Variants in CSMD1 observed in about 807,000 individuals in gnomAD.
CSMD1 encodes CUB and Sushi multiple domains 1, also known as CUB and sushi domain-containing protein 1.
Under a neutral mutation model 417.5 loss-of-function variants are expected in CSMD1, and 213 were observed. That is an observed-to-expected ratio of 0.51 (90% confidence interval 0.46 to 0.57). The LOEUF is 0.57. Ranked by LOEUF, CSMD1 falls within the 20% of genes least tolerant of loss-of-function variation. The pLI is 0.00. For missense variants in CSMD1, 6,923 were observed against 4,529.7 expected (o/e 1.53, Z -15.17); for synonymous variants, 2,862 against 1,736.8 (o/e 1.65, Z -16.11).
intron 2 of CSMD1, among the ~76,000 whole-genome samples, chr8:4,589,710 C>T (rs1230855275): frequency 6.6e-6 from 1 of 152,110 alleles, no homozygotes; most frequent in Non-Finnish European, 1.5e-5. Context: ...CAATTAGAAA[C>T]ACATGATTTC....
intron 36 of CSMD1, among the ~76,000 whole-genome samples, chr8:3,185,821 T>C (rs1262974965): frequency 6.6e-6 from 1 of 152,208 alleles, no homozygotes; most frequent in Non-Finnish European, 1.5e-5. Context: ...ATATAGATTC[T>C]GAAGAAACTT....
chr8:3,772,337 A>ATATATACATATATTTATATATACATATG (rs1554430769), intron 5 of CSMD1, among the ~76,000 whole-genome samples: 77 of 88,032 alleles, frequency 8.7e-4, no homozygotes, highest in Non-Finnish European at 1.4e-3. Context: ...ATATTTAGAC[A>ATATATACATATATTTATATATACATATG]TACATATATA....
chr8:3,742,188 T>G (rs2129050680), intron 6 of CSMD1, among the ~76,000 whole-genome samples: 1 of 152,266 alleles, frequency 6.6e-6, no homozygotes, highest in East Asian at 1.9e-4. Flanking sequence ...TAGCCCACCA[T>G]TAAGGAGAAG....
chr8:4,237,136 C>A (rs10503243), intron 3 of CSMD1, among the ~76,000 whole-genome samples: 6 of 152,016 alleles, frequency 3.9e-5, no homozygotes, highest in East Asian at 1.9e-4. Flanking sequence ...CACGGAAGCC[C>A]TAAAGAAATT....
At chr8:3,242,993 C>T (rs1373215839) in intron 26 of CSMD1, among the ~76,000 whole-genome samples, 1 of 152,034 alleles carries the variant, frequency 6.6e-6, no homozygotes, top group Non-Finnish European at 1.5e-5. Context: ...TTCCGTAGTC[C>T]GTGACCAGCG....
Position 4,006,000 on chromosome 8 carries a change from G to C in CSMD1, c.611-7890C>G, listed in dbSNP as rs77367973. Among the ~76,000 whole-genome samples, 6 of 152,238 alleles carry C rather than the reference G, an allele frequency of 3.9e-5. No homozygotes were observed. In the East Asian group the frequency reaches 9.7e-4, roughly 25 times the overall value. On this transcript the variant is annotated intron_variant, in intron 4 of 69. Transcript: ENST00000635120. Reference sequence around the variant, plus strand: ...ATTCTCTACTAGAATGAGCAGAGAAGGGTTTTCTGAAAACACAATATTTAG... The same window carrying C: ...ATTCTCTACTAGAATGAGCAGAGAACGGTTTTCTGAAAACACAATATTTAG...
Position 3,411,911 on chromosome 8 carries a change from T to C in CSMD1, c.1562-2306A>G, listed in dbSNP as rs376776170. On this transcript the variant is annotated intron_variant, in intron 12 of 69. Coordinates refer to ENST00000635120, the MANE Select transcript of CSMD1 (RefSeq NM_033225.6). ...GTATATATGCACGTATATATACACG[T>C]ATATATGCACGTATATATACACGTA... 7.3e-5 allele frequency among the ~76,000 whole-genome samples: 10 copies of C among 136,534 alleles called. No homozygotes were observed. In the East Asian group the frequency reaches 2.2e-3, roughly 30 times the overall value. The allele number at this position is 136,534 out of a possible 152,430, so 89.6% of individuals were successfully genotyped here.
At chr8:4,591,853 G>T (rs28733888) in intron 2 of CSMD1, among the ~76,000 whole-genome samples, 2 of 152,144 alleles carry the variant, frequency 1.3e-5, no homozygotes, top group Non-Finnish European at 2.9e-5. Context: ...CAAGGCAGAG[G>T]GGAGAAAGTA....
At chr8:4,741,178 A>C (rs758244298) in intron 1 of CSMD1, among the ~76,000 whole-genome samples, 1 of 151,900 alleles carries the variant, frequency 6.6e-6, no homozygotes, top group Non-Finnish European at 1.5e-5. Context: ...CACTTATGTA[A>C]GTGTCAGAGG....
At chr8:3,400,563 T>A (rs1322969623) in intron 15 of CSMD1, among the ~76,000 whole-genome samples, 1 of 152,030 alleles carries the variant, frequency 6.6e-6, no homozygotes, top group Non-Finnish European at 1.5e-5. Flanking sequence ...CAAAAATTTA[T>A]GGAAACTGCA....
intron 17 of CSMD1, among the ~76,000 whole-genome samples, chr8:3,390,130 G>A (rs1298759743): frequency 2.0e-5 from 3 of 151,956 alleles, no homozygotes; most frequent in African/African-American, 7.3e-5. Flanking sequence ...CGAGGTGGGT[G>A]GATCACCTGA....
intron 5 of CSMD1, among the ~76,000 whole-genome samples, chr8:3,772,993 G>C (rs150515504): frequency 1.9e-4 from 29 of 152,240 alleles, no homozygotes; most frequent in East Asian, 1.4e-3. Context: ...GGAAGGACTG[G>C]ATTCCTGATT....
chr8:4,905,631 A>C (rs1027626698), intron 1 of CSMD1, among the ~76,000 whole-genome samples: 1 of 151,724 alleles, frequency 6.6e-6, no homozygotes, highest in Non-Finnish European at 1.5e-5. Flanking sequence ...CATCCTGGCT[A>C]ACACGGTGAA....
chr8:4,089,468 A>G (rs776596842), intron 3 of CSMD1, among the ~76,000 whole-genome samples: 1 of 152,206 alleles, frequency 6.6e-6, no homozygotes, highest in East Asian at 1.9e-4. Context: ...CATAGTTTTC[A>G]AAAAAGGTAA....
intron 1 of CSMD1, among the ~76,000 whole-genome samples, chr8:4,684,865 C>A (rs1584942847): frequency 6.6e-6 from 1 of 152,204 alleles, no homozygotes; most frequent in East Asian, 1.9e-4. Flanking sequence ...CTGTGCTACT[C>A]TTTCTTCTTC....
intron 3 of CSMD1, among the ~76,000 whole-genome samples, chr8:4,095,994 T>C (rs12680364): frequency 0.2 from 29,683 of 151,918 alleles, 3,120 homozygotes; most frequent in East Asian, 0.33. Flanking sequence ...AAACCCAGAG[T>C]TGTCAGAAAC....
At chr8:4,840,372 C>A (rs549533359) in intron 1 of CSMD1, among the ~76,000 whole-genome samples, 124 of 152,054 alleles carry the variant, frequency 8.2e-4, no homozygotes, top group Non-Finnish European at 1.0e-3. Context: ...TGAAACTAGC[C>A]GATTACTTGC....
intron 2 of CSMD1, among the ~76,000 whole-genome samples, chr8:4,429,945 A>G (rs1233108677): frequency 6.6e-6 from 1 of 152,156 alleles, no homozygotes; most frequent in Non-Finnish European, 1.5e-5. Context: ...GGAATGAAAA[A>G]GACAAGAGGC....
chr8:4,295,473 C>T (rs1480890412), intron 3 of CSMD1, among the ~76,000 whole-genome samples: 2 of 141,868 alleles, frequency 1.4e-5, no homozygotes, highest in South Asian at 2.3e-4. Flanking sequence ...TCTTATTATA[C>T]ACATATAATC....
Sources: gnomAD v4.1 joint callset for allele counts (sites outside exome capture counted in the v4.1 genomes callset) on GRCh38, gnomAD v4.1.1 for gene constraint, MANE v1.5 for transcripts, NCBI Gene and HGNC (gene_info 2026-07-23, HGNC 2026-07-21) for gene names.